Variants in SMAP1 observed in about 807,000 individuals in gnomAD.
SMAP1 encodes the protein small ArfGAP 1.
In SMAP1, 24 loss-of-function variants were observed where a neutral mutation model predicts 58.5. That is an observed-to-expected ratio of 0.41 (90% confidence interval 0.30 to 0.58). The LOEUF (loss-of-function observed/expected upper bound fraction) is 0.58. Among genes scored for constraint, SMAP1 ranks in the 20% least tolerant of loss-of-function variants. The probability of loss-of-function intolerance (pLI) is 0.29; values close to 1 mark genes in which losing one functional copy is unlikely to be tolerated. For missense variants in SMAP1, 563 were observed against 566.3 expected (o/e 0.99, Z 0.06); for synonymous variants, 216 against 196.6 (o/e 1.10, Z -0.82).
At chr6:70,670,760 A>C (rs192332902) in intron 1 of SMAP1, among the ~76,000 whole-genome samples, 1 of 152,204 alleles carries the variant, frequency 6.6e-6, no homozygotes, top group Non-Finnish European at 1.5e-5. Context: ...ATCTTTGAGA[A>C]TATGTACCAA....
intron 10 of SMAP1, 125 bp downstream of exon 10, chr6:70,858,354 A>C (rs1771534980): frequency 2.4e-6 from 2 of 820,072 alleles, no homozygotes; most frequent in Non-Finnish European, 3.6e-6. Flanking sequence ...AATAGGGATA[A>C]TATGTTATAG....
chr6:70,675,586 G>A (rs1284031018), intron 1 of SMAP1, among the ~76,000 whole-genome samples: 3 of 151,482 alleles, frequency 2.0e-5, no homozygotes, highest in African/African-American at 7.3e-5. Context: ...GGAATGCGGA[G>A]CTTACAGTGA....
chr6:70,781,613 A>G (rs973258885), intron 4 of SMAP1, among the ~76,000 whole-genome samples: 2 of 152,232 alleles, frequency 1.3e-5, no homozygotes, highest in African/African-American at 2.4e-5. Context: ...AATCTATAAG[A>G]TGTTTTTCAG....
chr6:70,724,528 T>C lies in SMAP1; in HGVS notation c.119-7850T>C, dbSNP rs187543734. ...GAAATGTTCTGTGAACTTATTTTTT[T>C]GAGTGATCACAATCACTTGCCTTCC... is the stretch of plus-strand genomic sequence containing the variant. On this transcript the variant is annotated intron_variant, in intron 1 of 10. Transcript: ENST00000370455. 3.3e-5 allele frequency among the ~76,000 whole-genome samples: 5 copies of C among 152,366 alleles called. No homozygotes were observed. In the East Asian group the frequency reaches 5.8e-4, roughly 18 times the overall value.
chr6:70,677,125 A>T (rs1270174236), intron 1 of SMAP1, among the ~76,000 whole-genome samples: 8 of 151,426 alleles, frequency 5.3e-5, no homozygotes, highest in African/African-American at 1.7e-4. Flanking sequence ...GAGTCCACAG[A>T]TAAGTGCTTT....
At chr6:70,722,108 T>C (rs1768555249) in intron 1 of SMAP1, among the ~76,000 whole-genome samples, 1 of 152,220 alleles carries the variant, frequency 6.6e-6, no homozygotes, top group Admixed American at 6.5e-5. Context: ...ACAACAAATT[T>C]GTCAAGCTCT....
At chr6:70,668,424 C>A in intron 1 of SMAP1, 1 of 1,179,772 alleles carries the variant, frequency 8.5e-7, no homozygotes, top group Non-Finnish European at 1.1e-6. Flanking sequence ...ATGCTCGGAC[C>A]CTCCACAGGG....
rs1390115600 is a variant in SMAP1 at position 70,837,983 on chromosome 6, CT to C, written c.664+957del. ...AAATATACTCCCTGGAGGTACAATT[CT>C]TCTATGATGGTAAAAAGTTGTGTAT... On this transcript the variant is annotated intron_variant, in intron 7 of 10. Coordinates refer to ENST00000370455, the MANE Select transcript of SMAP1 (RefSeq NM_001044305.3). The C allele has an allele frequency of 8.2e-6, 8 of 973,528 alleles. No individual in the cohort carries two copies. The African/African-American group carries it at 1.2e-4, about 15-fold the overall frequency. 60.3% of individuals were successfully genotyped at this position (973,528 alleles called of 1,614,324 possible). A position where few individuals can be genotyped will look rare whatever the true frequency, so the allele number is the denominator to read the frequency against.
intron 5 of SMAP1, among the ~76,000 whole-genome samples, chr6:70,793,255 G>A (rs893000112): frequency 1.3e-5 from 2 of 152,148 alleles, no homozygotes; most frequent in African/African-American, 2.4e-5. Context: ...GGATGGTCTC[G>A]ATCTCTTGGC....
chr6:70,822,924 T>A (rs1199841246), intron 6 of SMAP1, among the ~76,000 whole-genome samples: 1 of 152,122 alleles, frequency 6.6e-6, no homozygotes, highest in Non-Finnish European at 1.5e-5. Context: ...CTGTGTCCAG[T>A]CTCCTAATGA....
chr6:70,849,417 A>G (rs1048369466), intron 7 of SMAP1, among the ~76,000 whole-genome samples: 1 of 131,180 alleles, frequency 7.6e-6, no homozygotes, highest in Admixed American at 8.2e-5. Flanking sequence ...TAATTTTAAT[A>G]TAGTAATAAT....
At chr6:70,839,357 A>G (rs924093724) in intron 7 of SMAP1, among the ~76,000 whole-genome samples, 1 of 152,216 alleles carries the variant, frequency 6.6e-6, no homozygotes, top group Non-Finnish European at 1.5e-5. Flanking sequence ...TGGTTGTGGC[A>G]GCACCCTTCT....
At chr6:70,671,761 A>G (rs968170264) in intron 1 of SMAP1, among the ~76,000 whole-genome samples, 7 of 152,254 alleles carry the variant, frequency 4.6e-5, no homozygotes, top group African/African-American at 1.7e-4. Context: ...TTGACTTCAT[A>G]TGTTTTCAAA....
intron 6 of SMAP1, among the ~76,000 whole-genome samples, chr6:70,830,258 G>A (rs2149991481): frequency 6.6e-6 from 1 of 152,282 alleles, no homozygotes; most frequent in Non-Finnish European, 1.5e-5. Flanking sequence ...GAGTGAGTCT[G>A]TATCTGTTGC....
chr6:70,738,244 T>C (rs1400422920), intron 2 of SMAP1, among the ~76,000 whole-genome samples: 5 of 152,206 alleles, frequency 3.3e-5, no homozygotes, highest in Admixed American at 3.3e-4. Flanking sequence ...TTTCATTTCT[T>C]GTCTTTGCAT....
At chr6:70,781,292 C>T (rs1416663743) in intron 4 of SMAP1, among the ~76,000 whole-genome samples, 4 of 152,068 alleles carry the variant, frequency 2.6e-5, no homozygotes, top group Non-Finnish European at 5.9e-5. Context: ...GCTATGGTTA[C>T]TTGGGTAAGT....
chr6:70,831,720 A>G (rs1048181504), intron 6 of SMAP1, among the ~76,000 whole-genome samples: 1 of 152,166 alleles, frequency 6.6e-6, no homozygotes, highest in African/African-American at 2.4e-5. Context: ...CAGTGCTGCG[A>G]TGAACATACG....
rs12665586 is a variant in SMAP1 at position 70,846,843 on chromosome 6, T to C, written c.665-5697T>C. 4.6e-3 allele frequency among the ~76,000 whole-genome samples: 695 copies of C among 152,304 alleles called. 40 individuals carry two copies. The East Asian group carries it at 0.12, about 27-fold the overall frequency. On this transcript the variant is annotated intron_variant, in intron 7 of 10. Coordinates refer to ENST00000370455, the MANE Select transcript of SMAP1 (RefSeq NM_001044305.3). ...CAGGAAACATTTCTCAAACTGGTTA[T>C]AGCAGTTGAGTTTTCCGGGTGCACC...
At chr6:70,808,901 CCTGT>C (rs1261037160) in intron 6 of SMAP1, among the ~76,000 whole-genome samples, 2 of 71,494 alleles carry the variant, frequency 2.8e-5, no homozygotes, top group African/African-American at 5.9e-5. Context: ...AGGCTGTTTC[CCTGT>C]GTGTGTGTGT....
Sources: allele counts gnomAD v4.1 joint callset (sites outside exome capture counted in the v4.1 genomes callset), GRCh38; gene constraint gnomAD v4.1.1; transcripts MANE v1.5; gene names NCBI Gene and HGNC (gene_info 2026-07-23, HGNC 2026-07-21).